CNPY1: variants seen among roughly 807,000 people sequenced by gnomAD.
CNPY1 encodes canopy FGF signaling regulator 1.
In CNPY1, 14 loss-of-function variants were observed where a neutral mutation model predicts 14.4. That is an observed-to-expected ratio of 0.97 (90% CI 0.64 to 1.52). CNPY1 has a LOEUF of 1.52. Ranked by LOEUF, CNPY1 falls within the 40% of genes most tolerant of loss-of-function variation. CNPY1 has a pLI of 0.00. For synonymous variants in CNPY1, 43 were observed against 46.5 expected, an observed-to-expected ratio of 0.92 and a Z score of 0.31; for missense variants, 129 against 131.5, an observed-to-expected ratio of 0.98 and a Z score of 0.09.
At chr7:155,515,477 C>T (rs1262054613) in intron 2 of CNPY1, among the ~76,000 whole-genome samples, 1 of 152,182 alleles carries the variant, frequency 6.6e-6, no homozygotes, top group Admixed American at 6.5e-5. Context: ...GAAATAGACA[C>T]GATTCACCTC....
chr7:155,528,758 A>G (rs1056898499), intron 2 of CNPY1, among the ~76,000 whole-genome samples: 3 of 152,140 alleles, frequency 2.0e-5, no homozygotes, highest in African/African-American at 7.2e-5. Flanking sequence ...AGGCTTCTCC[A>G]CCTAAGAAAA....
rs1797157480 is a variant in CNPY1, at chr7:155,546,430, T to C, written c.-16A>G. 5.0e-6 allele frequency: 2 copies of C among 398,418 alleles called. No individual in the cohort carries two copies. The highest frequency in any genetic ancestry group is 8.8e-6 in the Non-Finnish European group (2 of 226,024). The allele number at this position is 398,418 out of a possible 1,614,324, so 24.7% of individuals were successfully genotyped here. On this transcript the variant is annotated splice_region_variant and 5_prime_UTR_variant, in exon 1 of 5. Transcript: ENST00000636446. ...CTTGAACTCAAGCCATCCTCCTACC[T>C]TGGCCTCCTGAATTGCTGGGATTAC...
At chr7:155,520,408 TTTTC>T (rs1157640647) in intron 2 of CNPY1, among the ~76,000 whole-genome samples, 69 of 150,180 alleles carry the variant, frequency 4.6e-4, no homozygotes, top group African/African-American at 1.1e-3. Context: ...CTCTTTTTCT[TTTTC>T]TTTCTTTCTT....
chr7:155,538,140 C>T (rs1004918357), intron 2 of CNPY1, among the ~76,000 whole-genome samples: 1 of 152,190 alleles, frequency 6.6e-6, no homozygotes, highest in Admixed American at 6.5e-5. Flanking sequence ...TTCCTGTGAA[C>T]ATCATTTTCT....
intron 2 of CNPY1, among the ~76,000 whole-genome samples, chr7:155,543,982 T>C (rs1369869832): frequency 1.3e-5 from 2 of 152,198 alleles, no homozygotes; most frequent in Admixed American, 6.5e-5. Flanking sequence ...CGCCTTGAAG[T>C]GGAACATCCT....
chr7:155,515,380 C>T (rs1376813446), intron 2 of CNPY1, among the ~76,000 whole-genome samples: 1 of 151,998 alleles, frequency 6.6e-6, no homozygotes, highest in Non-Finnish European at 1.5e-5. Context: ...TCTTCCACCT[C>T]CCAGACCACC....
intron 2 of CNPY1, among the ~76,000 whole-genome samples, chr7:155,509,790 G>A (rs189669310): frequency 6.6e-6 from 1 of 152,310 alleles, no homozygotes; most frequent in African/African-American, 2.4e-5. Flanking sequence ...GCACGTCCCC[G>A]CGCGCCCCTC....
intron 2 of CNPY1, among the ~76,000 whole-genome samples, chr7:155,515,265 C>A (rs1796595018): frequency 1.3e-5 from 2 of 151,380 alleles, no homozygotes; most frequent in Admixed American, 1.3e-4. Flanking sequence ...CTCATCTGGC[C>A]TCCACACCCT....
chr7:155,543,574 A>C (rs991929260), intron 2 of CNPY1, among the ~76,000 whole-genome samples: 3 of 152,186 alleles, frequency 2.0e-5, no homozygotes, highest in Admixed American at 2.0e-4. Flanking sequence ...AAGACAGTGG[A>C]GCTCTTTGAA....
chr7:155,528,273 C>A (rs538414576), intron 2 of CNPY1, among the ~76,000 whole-genome samples: 1 of 152,248 alleles, frequency 6.6e-6, no homozygotes, highest in African/African-American at 2.4e-5. Context: ...GCCTTATCCT[C>A]GCCAGCACTT....
intron 2 of CNPY1, chr7:155,510,570 C>T (rs1009439089): frequency 6.6e-6 from 1 of 152,168 alleles, no homozygotes; most frequent in African/African-American, 2.4e-5. Context: ...AGTTAAATAG[C>T]TTATGGACTA....
chr7:155,539,871 G>A (rs541171819), intron 2 of CNPY1, among the ~76,000 whole-genome samples: 2 of 152,296 alleles, frequency 1.3e-5, no homozygotes, highest in East Asian at 3.9e-4. Context: ...GGACGCAGGA[G>A]GCAGACATTA....
chr7:155,506,303 T>C (rs939079598), intron 4 of CNPY1, among the ~76,000 whole-genome samples: 2 of 152,222 alleles, frequency 1.3e-5, no homozygotes, highest in Non-Finnish European at 2.9e-5. Flanking sequence ...TCCATTCTTA[T>C]AAATGTATTA....
At chr7:155,516,057 A>T (rs143132961) in intron 2 of CNPY1, among the ~76,000 whole-genome samples, 1 of 152,116 alleles carries the variant, frequency 6.6e-6, no homozygotes, top group African/African-American at 2.4e-5. Flanking sequence ...CATGACATGC[A>T]CCCTGTCTAT....
At chr7:155,531,053 G>A (rs1460502159) in intron 2 of CNPY1, among the ~76,000 whole-genome samples, 3 of 152,234 alleles carry the variant, frequency 2.0e-5, no homozygotes, top group Non-Finnish European at 4.4e-5. Flanking sequence ...CTTCCGCATA[G>A]TTTTGTTCAG....
chr7:155,509,798 CT>C (rs1260357488), intron 2 of CNPY1, among the ~76,000 whole-genome samples: 6 of 152,202 alleles, frequency 3.9e-5, no homozygotes, highest in Non-Finnish European at 8.8e-5. Flanking sequence ...CCGCGCGCCC[CT>C]CTCCCTCCGG....
intron 2 of CNPY1, chr7:155,518,506 C>T (rs184603934): frequency 9.8e-5 from 15 of 152,298 alleles, no homozygotes; most frequent in Admixed American, 9.2e-4. Flanking sequence ...TTGGGAGAGC[C>T]AGGCACTACC....
At chr7:155,539,220 A>C (rs543459766) in intron 2 of CNPY1, among the ~76,000 whole-genome samples, 1 of 152,318 alleles carries the variant, frequency 6.6e-6, no homozygotes, top group South Asian at 2.1e-4. Context: ...TAATCTTCCT[A>C]AATCAAATAT....
At chr7:155,509,559 C>A (rs924989686) in intron 2 of CNPY1, among the ~76,000 whole-genome samples, 1 of 150,240 alleles carries the variant, frequency 6.7e-6, no homozygotes, top group Non-Finnish European at 1.5e-5. Flanking sequence ...AGAGAGAGAG[C>A]GCGCGCTCAG....
Sources: gnomAD v4.1 joint callset for allele counts (sites outside exome capture counted in the v4.1 genomes callset) on GRCh38, gnomAD v4.1.1 for gene constraint, MANE v1.5 for transcripts, NCBI Gene and HGNC (gene_info 2026-07-23, HGNC 2026-07-21) for gene names.